Variants in SNTG1 observed in about 807,000 individuals in gnomAD.
SNTG1 encodes gamma-1-syntrophin.
In SNTG1, 39 loss-of-function variants were observed where a neutral mutation model predicts 74.7. The observed-to-expected ratio is 0.52, with a 90% confidence interval of 0.40 to 0.68. The LOEUF is 0.68. Among genes scored for constraint, SNTG1 ranks in the 30% least tolerant of loss-of-function variants. SNTG1 has a pLI of 0.00. For missense variants in SNTG1, 685 were observed against 609.5 expected (o/e 1.12, Z -1.30); for synonymous variants, 254 against 217.1 (o/e 1.17, Z -1.49).
At chr8:50,641,009 G>A (rs1464446438) in intron 13 of SNTG1, among the ~76,000 whole-genome samples, 2 of 151,998 alleles carry the variant, frequency 1.3e-5, no homozygotes, top group African/African-American at 4.8e-5. Flanking sequence ...CAGCATACAT[G>A]CTCAGTTCAA....
At chr8:50,340,207 A>T (rs1477303430) in intron 2 of SNTG1, among the ~76,000 whole-genome samples, 1 of 152,028 alleles carries the variant, frequency 6.6e-6, no homozygotes. Context: ...TTTTGTAGAT[A>T]CTAATAAACT....
intron 2 of SNTG1, among the ~76,000 whole-genome samples, chr8:50,223,583 C>T (rs955363515): frequency 4.6e-5 from 7 of 151,920 alleles, no homozygotes; most frequent in Middle Eastern, 3.2e-3. Context: ...AGGAGAAATA[C>T]GACCATCTCA....
chr8:50,674,808 A>G (rs1441066708), intron 15 of SNTG1, among the ~76,000 whole-genome samples: 2 of 152,068 alleles, frequency 1.3e-5, no homozygotes, highest in Non-Finnish European at 2.9e-5. Flanking sequence ...ATTTAGTGCT[A>G]TAAGTTTCCC....
intron 2 of SNTG1, among the ~76,000 whole-genome samples, chr8:50,231,791 A>G (rs771972145): frequency 2.2e-4 from 33 of 151,290 alleles, no homozygotes; most frequent in Non-Finnish European, 4.0e-4. Flanking sequence ...TTATTTTTTA[A>G]ATCAGTAGCA....
At chr8:49,968,041 A>G (rs994639345) in intron 1 of SNTG1, among the ~76,000 whole-genome samples, 2 of 152,126 alleles carry the variant, frequency 1.3e-5, no homozygotes, top group Admixed American at 6.5e-5. Context: ...TTCCAAGTCC[A>G]GTTATGCTTA....
At chr8:50,737,423 T>C (rs997978510) in intron 17 of SNTG1, among the ~76,000 whole-genome samples, 1 of 152,046 alleles carries the variant, frequency 6.6e-6, no homozygotes, top group Non-Finnish European at 1.5e-5. Context: ...ATTAATAACC[T>C]ACCAACCAAA....
chr8:50,199,813 C>T (rs760498895), intron 2 of SNTG1, among the ~76,000 whole-genome samples: 3 of 152,124 alleles, frequency 2.0e-5, no homozygotes, highest in Non-Finnish European at 4.4e-5. Flanking sequence ...CAAAATACTT[C>T]TTGCACGTGG....
chr8:50,361,421 T>G (rs562514266), intron 2 of SNTG1, among the ~76,000 whole-genome samples: 1 of 152,322 alleles, frequency 6.6e-6, no homozygotes, highest in East Asian at 1.9e-4. Flanking sequence ...ATTATAGACT[T>G]GTTTATAAAC....
chr8:50,635,362 T>C (rs1204318395), intron 13 of SNTG1, among the ~76,000 whole-genome samples: 2 of 152,118 alleles, frequency 1.3e-5, no homozygotes, highest in African/African-American at 2.4e-5. Context: ...CAGCCTTGTG[T>C]CTTTCCCTTA....
At chr8:50,352,432 C>T (rs1461065764) in intron 2 of SNTG1, among the ~76,000 whole-genome samples, 1 of 151,864 alleles carries the variant, frequency 6.6e-6, no homozygotes, top group Non-Finnish European at 1.5e-5. Flanking sequence ...CTCTTGTTGC[C>T]CAGGCTGGAG....
In SNTG1 at chr8:50,536,762, C is replaced by T. The variant is rs749947090; in HGVS notation, c.634C>T (p.Leu212Phe). The change falls in exon 11 of 19, where the codon CTT becomes TTT. Residue 212 changes from leucine to phenylalanine, a missense_variant. By Grantham distance (22) the Leu-to-Phe change is conservative (BLOSUM62 0). Coordinates refer to ENST00000642720, the MANE Select transcript of SNTG1 (RefSeq NM_018967.5). ...GTGCGACCTCAGACTGATCCCTCTA[C>T]TTCATTCGCGCTTCTCTCAGTATGT... ...RWCDLRLIPL[L>F]HSRFSQYVPG... 1 of 1,614,016 alleles carries T rather than the reference C, an allele frequency of 6.2e-7. No homozygotes were observed. The highest frequency in any genetic ancestry group is 8.5e-7 in the Non-Finnish European group (1 of 1,179,886).
chr8:50,519,301 T>C (rs2094159910), intron 9 of SNTG1, among the ~76,000 whole-genome samples: 1 of 152,168 alleles, frequency 6.6e-6, no homozygotes, highest in African/African-American at 2.4e-5. Context: ...ATGGAATGTA[T>C]CTCAAAATAA....
intron 1 of SNTG1, among the ~76,000 whole-genome samples, chr8:49,960,224 G>A (rs1585667603): frequency 6.6e-6 from 1 of 152,102 alleles, no homozygotes; most frequent in African/African-American, 2.4e-5. Context: ...TGTATGCAGT[G>A]ATTTGTTTTC....
At chr8:50,442,648 C>T (rs1401517289) in intron 5 of SNTG1, among the ~76,000 whole-genome samples, 1 of 137,380 alleles carries the variant, frequency 7.3e-6, no homozygotes, top group Non-Finnish European at 1.5e-5. Context: ...TACTTGTGTG[C>T]CTTTTTTTCT....
intron 2 of SNTG1, among the ~76,000 whole-genome samples, chr8:50,286,016 C>A (rs761385115): frequency 6.6e-6 from 1 of 151,866 alleles, no homozygotes; most frequent in Admixed American, 6.6e-5. Flanking sequence ...ACACTTGAAC[C>A]CTTCTATTCT....
rs796925676 is a variant in SNTG1, at chr8:50,421,052, AGG to A, written c.163-17484_163-17483del. ...AAAAAAAAAAGGCGGTGGGCGGGGG[AGG>A]GGGGGGCGAAGATAAAGGGACATTT... On this transcript the variant is annotated intron_variant, in intron 4 of 18. Coordinates refer to ENST00000642720, the MANE Select transcript of SNTG1 (RefSeq NM_018967.5). Among the ~76,000 whole-genome samples, 9 of 17,130 alleles carry A rather than the reference AGG, an allele frequency of 5.3e-4. 1 individual carries two copies. The highest frequency in any genetic ancestry group is 5.7e-3 in the East Asian group (1 of 176). 11.2% of individuals were successfully genotyped at this position (17,130 alleles called of 152,430 possible).
rs1385974481 is a variant in SNTG1 at position 50,743,330 on chromosome 8, AT to A, written c.1285-8669del. On this transcript the variant is annotated intron_variant, in intron 17 of 18. Coordinates refer to ENST00000642720, the MANE Select transcript of SNTG1 (RefSeq NM_018967.5). ...TGGCCAAGTAGTATTTATTAATGAA[AT>A]TCAAGGAAGATTCAATATATGTAAA... is the stretch of plus-strand genomic sequence containing the variant. Among the ~76,000 whole-genome samples the A allele has an allele frequency of 7.9e-5, 12 of 152,102 alleles. No individual in the cohort carries two copies. In the East Asian group the frequency reaches 2.3e-3, roughly 30 times the overall value.
chr8:50,452,342 C>A (rs181414617), intron 8 of SNTG1, among the ~76,000 whole-genome samples: 3 of 152,344 alleles, frequency 2.0e-5, no homozygotes, highest in Admixed American at 1.3e-4. Context: ...CAGCACAGCA[C>A]AGAGCCTTCT....
chr8:50,498,904 G>T (rs558803494), intron 8 of SNTG1, among the ~76,000 whole-genome samples: 1 of 151,548 alleles, frequency 6.6e-6, no homozygotes, highest in African/African-American at 2.4e-5. Flanking sequence ...ATTTTTGTTT[G>T]CATTTATTTC....
Sources: gnomAD v4.1 joint callset for allele counts (sites outside exome capture counted in the v4.1 genomes callset) on GRCh38, gnomAD v4.1.1 for gene constraint, MANE v1.5 for transcripts, NCBI Gene and HGNC (gene_info 2026-07-23, HGNC 2026-07-21) for gene names.